Variants in LRRC27 observed in about 807,000 individuals in gnomAD.
The protein encoded by LRRC27 is leucine-rich repeat-containing protein 27.
LRRC27 carries 57 observed loss-of-function variants against 55.0 expected under a neutral mutation model. That is an observed-to-expected ratio of 1.04 (90% confidence interval 0.84 to 1.29). The LOEUF is 1.29. LRRC27 is among the 50% of genes most tolerant of loss of function. The probability of loss-of-function intolerance (pLI) is 0.00; values close to 1 mark genes in which losing one functional copy is unlikely to be tolerated. For synonymous variants in LRRC27, 278 were observed against 251.9 expected (o/e 1.10, Z -0.98); for missense variants, 721 against 651.5 (o/e 1.11, Z -1.16).
rs908849405 is a variant in LRRC27, at chr10:132,337,696, G to A, written c.341+1G>A. 1.1e-5 allele frequency: 18 copies of A among 1,613,250 alleles called. No individual in the cohort carries two copies. Among genetic ancestry groups the A allele is most frequent in the Non-Finnish European group, 1.5e-5 (18 of 1,179,656 alleles). ...TTCCTTCTGGGATTGGAGCTCACCA[G>A]TAAGTTGTTTATGTTTCCAGATTTT... On this transcript the variant is annotated splice_donor_variant, in intron 3 of 10. Coordinates refer to ENST00000368614, the MANE Select transcript of LRRC27 (RefSeq NM_030626.3). LOFTEE classifies it high-confidence loss of function.
In LRRC27 at chr10:132,374,691, C is replaced by T. The variant is rs983015570; in HGVS notation, c.1417-375C>T. On this transcript the variant is annotated intron_variant, in intron 10 of 10. Coordinates refer to ENST00000368614, the MANE Select transcript of LRRC27 (RefSeq NM_030626.3). This position sits in a 1 kb window ranked among gnomAD's most constrained non-coding sequence, Gnocchi z 4.4. ...GTGGTGATGCTTGCCAAGACACTGC[C>T]CGGGGTGTGGCATCAGCCTTCCCTT... Among the ~76,000 whole-genome samples the T allele has an allele frequency of 6.6e-6, 1 of 152,180 alleles. No homozygotes were observed. The highest frequency in any genetic ancestry group is 6.5e-5 in the Admixed American group (1 of 15,290).
chr10:132,352,795 G>A lies in LRRC27; in HGVS notation c.1073+1042G>A. The A allele has an allele frequency of 6.2e-6, 9 of 1,454,586 alleles. 1 individual carries two copies. Among genetic ancestry groups the A allele is most frequent in the South Asian group, 6.0e-5 (5 of 83,222 alleles). 90.1% of individuals were successfully genotyped at this position (1,454,586 alleles called of 1,614,324 possible). A position where few individuals can be genotyped will look rare whatever the true frequency, so the allele number is the denominator to read the frequency against. On this transcript the variant is annotated intron_variant, in intron 7 of 10. Transcript: ENST00000368614. ...CAGGCCGGTTGCAGTGCTCGCGGTC[G>A]CCCCCTTGTGTCCGTCTTTGCCCTG... is the stretch of plus-strand genomic sequence containing the variant.
At chr10:132,342,186 A>AT (rs751516447) in intron 3 of LRRC27, 27 bp from the exon 4 acceptor site, 2 of 1,438,886 alleles carry the variant, frequency 1.4e-6, no homozygotes, top group African/African-American at 1.4e-5. Context: ...TGCTTTTTAA[A>AT]TTTTTTTGTT....
intron 10 of LRRC27, among the ~76,000 whole-genome samples, chr10:132,369,095 C>T (rs1367425797): frequency 6.6e-6 from 1 of 152,140 alleles, no homozygotes; most frequent in African/African-American, 2.4e-5. Flanking sequence ...GGAGATTCAC[C>T]ATCAAAAAAT....
At chr10:132,359,838 T>G (rs2068526323) in intron 8 of LRRC27, among the ~76,000 whole-genome samples, 2 of 152,356 alleles carry the variant, frequency 1.3e-5, no homozygotes, top group Admixed American at 1.3e-4. Context: ...AGTGGCATGT[T>G]TGACACTTGA....
At position 132,359,128 on chromosome 10, in the gene LRRC27, C is replaced by T. The variant is rs3889181; in HGVS notation, c.1171-2329C>T. Among the ~76,000 whole-genome samples, 616 of 66,232 alleles carry T rather than the reference C, an allele frequency of 9.3e-3. 15 individuals carry two copies. Among genetic ancestry groups the T allele is most frequent in the Middle Eastern group, 0.038 (3 of 78 alleles). The allele number at this position is 66,232 out of a possible 152,430, so 43.5% of individuals were successfully genotyped here. On this transcript the variant is annotated intron_variant, in intron 8 of 10. Transcript: ENST00000368614. ...GTGGGGAGGAGCCGAGGTGGTGGAG[C>T]GTGGGAAGGAGCCGAGGTGGTGGAG...
intron 10 of LRRC27, among the ~76,000 whole-genome samples, chr10:132,369,791 C>T (rs908276538): frequency 5.9e-5 from 9 of 152,124 alleles, no homozygotes; most frequent in South Asian, 2.1e-4. Context: ...AAATCAAGTC[C>T]GGGTTTTTTA....
At chr10:132,371,826 G>A (rs1255684847) in intron 10 of LRRC27, among the ~76,000 whole-genome samples, 5 of 152,230 alleles carry the variant, frequency 3.3e-5, no homozygotes, top group African/African-American at 9.6e-5. Context: ...GGTGGAGGCC[G>A]TGGGCCAGGG....
At chr10:132,345,020 A>G (rs2067610831) in intron 5 of LRRC27, among the ~76,000 whole-genome samples, 1 of 152,250 alleles carries the variant, frequency 6.6e-6, no homozygotes, top group African/African-American at 2.4e-5. Context: ...CCTTATTCCT[A>G]ACGAGGTACA....
chr10:132,332,999 A>T (rs34295144), intron 1 of LRRC27, among the ~76,000 whole-genome samples: 62,447 of 152,106 alleles, frequency 0.41, 13,202 homozygotes, highest in African/African-American at 0.49. Context: ...AACTGGGTGT[A>T]AGCCAGACTT....
At chr10:132,364,365 G>GCTTACACCCACCCACA (rs1274132251) in intron 9 of LRRC27, among the ~76,000 whole-genome samples, 2 of 2,390 alleles carry the variant, frequency 8.4e-4, no homozygotes, top group Non-Finnish European at 1.0e-3. Context: ...CCACACCCGC[G>GCTTACACCCACCCACA]CTTACACCCA....
Position 132,347,986 on chromosome 10 carries a change from G to T in LRRC27, c.556G>T (p.Ala186Ser). The change falls in exon 6 of 11, where the codon GCT becomes TCT. Residue 186 changes from alanine to serine, a missense_variant and splice_region_variant. Ala to Ser is a moderately conservative substitution (Grantham distance 99). Transcript: ENST00000368614. Reference sequence around the variant, plus strand: ...AAAGCGGTTTCTTACTCTCCCAGAGGCTCCACCGGTTAGAGAGATGACCCT... The same window carrying T: ...AAAGCGGTTTCTTACTCTCCCAGAGTCTCCACCGGTTAGAGAGATGACCCT... ...SLPRNPTSQE[A>S]PPVREMTLRD... 1 of 1,598,540 alleles carries T rather than the reference G, an allele frequency of 6.3e-7. No individual in the cohort carries two copies. Among genetic ancestry groups the T allele is most frequent in the Non-Finnish European group, 8.5e-7 (1 of 1,173,342 alleles).
intron 9 of LRRC27, 67 bp from the exon 10 acceptor site, chr10:132,365,357 T>G: frequency 1.2e-5 from 19 of 1,580,248 alleles, no homozygotes; most frequent in Non-Finnish European, 1.6e-5. Flanking sequence ...TCCCTGGTTA[T>G]GGCGGGAGTT....
upstream of LRRC27, chr10:132,332,158 GTC>G (rs1382774976): frequency 6.0e-6 from 1 of 165,594 alleles, no homozygotes; most frequent in African/African-American, 2.4e-5. Flanking sequence ...CCGTACCGGC[GTC>G]TCCATGGCGA....
chr10:132,347,113 A>G (rs932476334), intron 5 of LRRC27, among the ~76,000 whole-genome samples: 5 of 152,248 alleles, frequency 3.3e-5, no homozygotes, highest in Non-Finnish European at 7.3e-5. Context: ...AGCATCACCA[A>G]ACAAGAAAAG....
At chr10:132,355,997 G>T in intron 8 of LRRC27, 111 bp downstream of exon 8, 1 of 728,352 alleles carries the variant, frequency 1.4e-6, no homozygotes. Flanking sequence ...GGTGTGGGTG[G>T]GTGCTCACAC....
rs766828380 is a variant in LRRC27, at chr10:132,337,536, A to G, written c.211-29A>G. On this transcript the variant is annotated intron_variant, in intron 2 of 10. Transcript: ENST00000368614. ...TTTTACAAATTAGTTGGTTAACAAA[A>G]CATTCTCTGATTCTCTTTTCCATGG... 8.7e-6 allele frequency: 14 copies of G among 1,607,416 alleles called. No homozygotes were observed. The South Asian group carries it at 1.6e-4, about 18-fold the overall frequency.
chr10:132,348,670 A>C lies in LRRC27; in HGVS notation c.926+314A>C, dbSNP rs1236916304. Among the ~76,000 whole-genome samples, 2 of 152,250 alleles carry C rather than the reference A, an allele frequency of 1.3e-5. No homozygotes were observed. The highest frequency in any genetic ancestry group is 2.9e-5 in the Non-Finnish European group (2 of 68,038). On this transcript the variant is annotated intron_variant, in intron 6 of 10. Coordinates refer to ENST00000368614, the MANE Select transcript of LRRC27 (RefSeq NM_030626.3). The surrounding 1 kb of genome is among the most constrained non-coding windows in gnomAD (Gnocchi z 4.2). Reference sequence around the variant, plus strand: ...CAGAGAGAGCTTTGAGGATGTCAGCATTTAAAGGAGAAAGAATGGGCAGCA... The same window carrying C: ...CAGAGAGAGCTTTGAGGATGTCAGCCTTTAAAGGAGAAAGAATGGGCAGCA...
At chr10:132,335,484 G>T (rs1232345909) in intron 2 of LRRC27, among the ~76,000 whole-genome samples, 2 of 150,658 alleles carry the variant, frequency 1.3e-5, no homozygotes, top group South Asian at 2.1e-4. Flanking sequence ...ATGGGGGGGG[G>T]TCACAGTCTT....
Sources: gnomAD v4.1 joint callset for allele counts (sites outside exome capture counted in the v4.1 genomes callset) on GRCh38, gnomAD v4.1.1 for gene constraint, Gnocchi (gnomAD v3.1) non-coding constraint, MANE v1.5 for transcripts, NCBI Gene and HGNC (gene_info 2026-07-23, HGNC 2026-07-21) for gene names.